Variants in ADGRD1 observed in about 807,000 individuals in gnomAD.
The protein encoded by ADGRD1 is G-protein coupled receptor 133.
Under a neutral mutation model 113.4 loss-of-function variants are expected in ADGRD1, and 77 were observed. That is an observed-to-expected ratio of 0.68 (90% CI 0.57 to 0.82). ADGRD1 has a LOEUF of 0.82. Among genes scored for constraint, ADGRD1 ranks in the 40% least tolerant of loss-of-function variants. The pLI, the probability that ADGRD1 is intolerant of heterozygous loss-of-function variation, is 0.00. For synonymous variants in ADGRD1, 474 were observed against 475.0 expected (o/e 1.00, Z 0.03); for missense variants, 1,036 against 1,139.1 (o/e 0.91, Z 1.30).
intron 18 of ADGRD1, 84 bp downstream of exon 18, chr12:131,108,961 G>C: frequency 2.5e-6 from 1 of 395,366 alleles, no homozygotes; most frequent in Non-Finnish European, 4.2e-6. Context: ...GACAGGATGA[G>C]ACAGGTGGAA....
intron 22 of ADGRD1, 110 bp downstream of exon 22, chr12:131,136,273 C>A: frequency 1.5e-6 from 2 of 1,316,494 alleles, no homozygotes; most frequent in Non-Finnish European, 2.1e-6. Flanking sequence ...CCCGGCCACA[C>A]CTTAGGAGCC....
At chr12:131,112,959 G>C (rs1031509955) in intron 18 of ADGRD1, among the ~76,000 whole-genome samples, 2 of 152,210 alleles carry the variant, frequency 1.3e-5, no homozygotes, top group Admixed American at 6.5e-5. Context: ...CTGGAGTAGA[G>C]CTTCTAAAGC....
intron 13 of ADGRD1, among the ~76,000 whole-genome samples, chr12:131,036,712 ACC>A (rs1262726955): frequency 8.8e-5 from 12 of 136,346 alleles, no homozygotes; most frequent in Non-Finnish European, 1.4e-4. Flanking sequence ...GGCCTCACTC[ACC>A]GCACCGGGCC....
chr12:131,088,794 C>T (rs1886689226), intron 15 of ADGRD1, among the ~76,000 whole-genome samples: 1 of 152,182 alleles, frequency 6.6e-6, no homozygotes, highest in South Asian at 2.1e-4. Flanking sequence ...GCCCCATCTT[C>T]GACTAAGAAA....
At chr12:131,017,868 A>G (rs1878811990) in intron 13 of ADGRD1, among the ~76,000 whole-genome samples, 1 of 150,194 alleles carries the variant, frequency 6.7e-6, no homozygotes, top group Non-Finnish European at 1.5e-5. Context: ...AGGCACACAC[A>G]CTTAGTATAC....
At chr12:131,123,617 C>G (rs900109778) in intron 20 of ADGRD1, among the ~76,000 whole-genome samples, 2 of 151,602 alleles carry the variant, frequency 1.3e-5, no homozygotes, top group African/African-American at 4.8e-5. Flanking sequence ...GTCAGGAGAT[C>G]GAGACCATCC....
intron 5 of ADGRD1, among the ~76,000 whole-genome samples, chr12:130,985,757 G>A (rs1227266854): frequency 2.0e-5 from 3 of 152,096 alleles, no homozygotes; most frequent in African/African-American, 7.2e-5. Context: ...TTGCCATGTT[G>A]GCTAGGCTGG....
intron 8 of ADGRD1, among the ~76,000 whole-genome samples, chr12:131,000,087 G>A (rs1731998259): frequency 6.6e-6 from 1 of 152,200 alleles, no homozygotes. Flanking sequence ...AGGGCCTGCC[G>A]TGTCCCCCAG....
intron 4 of ADGRD1, chr12:130,980,799 C>T (rs890943332): frequency 1.3e-5 from 2 of 152,202 alleles, no homozygotes; most frequent in Non-Finnish European, 2.9e-5. Flanking sequence ...GGACTTTGCA[C>T]CCACAAAGGT....
intron 15 of ADGRD1, among the ~76,000 whole-genome samples, chr12:131,089,864 C>G (rs1201426517): frequency 1.3e-5 from 2 of 152,258 alleles, no homozygotes; most frequent in Non-Finnish European, 2.9e-5. Flanking sequence ...GGGGTTGTGC[C>G]CATGCTCTGG....
At chr12:131,110,599 A>T (rs2137359628) in intron 18 of ADGRD1, among the ~76,000 whole-genome samples, 1 of 152,332 alleles carries the variant, frequency 6.6e-6, no homozygotes, top group African/African-American at 2.4e-5. Flanking sequence ...AGAAGCTGGG[A>T]TAAAAGGAGA....
intron 2 of ADGRD1, among the ~76,000 whole-genome samples, chr12:130,960,785 C>A (rs1333072108): frequency 1.3e-5 from 2 of 151,772 alleles, no homozygotes; most frequent in Non-Finnish European, 2.9e-5. Context: ...AATATACTAA[C>A]AAAAAAATCC....
intron 2 of ADGRD1, among the ~76,000 whole-genome samples, chr12:130,961,505 G>A (rs1870357384): frequency 6.6e-6 from 1 of 151,898 alleles, no homozygotes; most frequent in Non-Finnish European, 1.5e-5. Context: ...TTGTTTTGGA[G>A]TCCTCAAATG....
At chr12:131,033,294 C>A (rs1379613191) in intron 13 of ADGRD1, among the ~76,000 whole-genome samples, 1 of 152,158 alleles carries the variant, frequency 6.6e-6, no homozygotes, top group Non-Finnish European at 1.5e-5. Flanking sequence ...GACTTCCAGG[C>A]CGGAGGGGTT....
rs756810149 is a variant in ADGRD1 at position 131,108,778 on chromosome 12, G to A, written c.1942G>A (p.Ala648Thr). Reference protein sequence around the residue: ...LLHYFFLSAFAWMLVEGLHLY... With the variant: ...LLHYFFLSAFTWMLVEGLHLY... ...ACACTACTTCTTCCTGAGTGCCTTC[G>A]CATGGATGCTGGTGGAGGGGCTGCA... Residue 648 changes from alanine (A) to threonine (T), a missense_variant, in exon 18 of 25, where the codon GCA (alanine) becomes ACA (threonine). Physicochemically the swap from Ala to Thr is moderately conservative, Grantham distance 58. Transcript: ENST00000261654. The A allele has an allele frequency of 7.4e-6, 12 of 1,614,076 alleles. No individual in the cohort carries two copies. The highest frequency in any genetic ancestry group is 4.5e-5 in the East Asian group (2 of 44,888).
In ADGRD1 at chr12:130,966,662, G is replaced by T; in HGVS notation, c.187+116G>T. On this transcript the variant is annotated intron_variant, in intron 3 of 24. Coordinates refer to ENST00000261654, the MANE Select transcript of ADGRD1 (RefSeq NM_198827.5). The surrounding 1 kb of genome is among the most constrained non-coding windows in gnomAD (Gnocchi z 4.6). ...CCCAGGGCCATTGGGGGACGTGGGT[G>T]CTGAGAGTGACTGTGGGCCGGGGAA... 1.4e-6 allele frequency: 1 copy of T among 721,002 alleles called. No individual in the cohort carries two copies. Among genetic ancestry groups the T allele is most frequent in the Non-Finnish European group, 2.5e-6 (1 of 393,274 alleles). The allele number at this position is 721,002 out of a possible 1,614,324, so 44.7% of individuals were successfully genotyped here.
At chr12:131,094,599 A>G (rs979373836) in intron 15 of ADGRD1, among the ~76,000 whole-genome samples, 1 of 152,014 alleles carries the variant, frequency 6.6e-6, no homozygotes, top group African/African-American at 2.4e-5. Context: ...CGACTCCCCA[A>G]GCAATACTGT....
In ADGRD1 at chr12:131,081,188, T is replaced by G. The variant is rs184601849; in HGVS notation, c.1548-3352T>G. Among the ~76,000 whole-genome samples, 8 of 152,298 alleles carry G rather than the reference T, an allele frequency of 5.3e-5. No individual in the cohort carries two copies. In the East Asian group the frequency reaches 1.5e-3, roughly 29 times the overall value. ...TATATTTATATTTAAAGTGAGTTTC[T>G]TTTAGACTGCATGTAGCTGGGTCGT... On this transcript the variant is annotated intron_variant, in intron 14 of 24. Transcript: ENST00000261654.
At chr12:131,055,188 G>A (rs1883745837) in intron 13 of ADGRD1, among the ~76,000 whole-genome samples, 1 of 152,206 alleles carries the variant, frequency 6.6e-6, no homozygotes. Context: ...TGGGAAGTGG[G>A]TGTTATCTGG....
Sources: gnomAD v4.1 joint callset for allele counts (sites outside exome capture counted in the v4.1 genomes callset) on GRCh38, gnomAD v4.1.1 for gene constraint, Gnocchi (gnomAD v3.1) non-coding constraint, MANE v1.5 for transcripts, NCBI Gene and HGNC (gene_info 2026-07-23, HGNC 2026-07-21) for gene names.